CACNA2D3: variants seen among roughly 807,000 people sequenced by gnomAD.
CACNA2D3 encodes calcium voltage-gated channel auxiliary subunit alpha2delta 3.
Under a neutral mutation model 160.6 loss-of-function variants are expected in CACNA2D3, and 60 were observed. That is an observed-to-expected ratio of 0.37 (90% CI 0.30 to 0.46). CACNA2D3 has a LOEUF of 0.46. Among genes scored for constraint, CACNA2D3 ranks in the 20% least tolerant of loss-of-function variants. The pLI is 1.00. For missense variants in CACNA2D3, 1,205 were observed against 1,365.0 expected, an observed-to-expected ratio of 0.88 and a Z score of 1.85; for synonymous variants, 558 against 492.9, an observed-to-expected ratio of 1.13 and a Z score of -1.75.
intron 2 of CACNA2D3, among the ~76,000 whole-genome samples, chr3:54,306,549 C>A (rs1488344665): frequency 6.6e-6 from 1 of 152,174 alleles, no homozygotes; most frequent in African/African-American, 2.4e-5. Context: ...AGTTCTGAGC[C>A]CTTGCATGGC....
chr3:54,413,412 A>G (rs538464889), intron 4 of CACNA2D3, among the ~76,000 whole-genome samples: 1 of 147,012 alleles, frequency 6.8e-6, no homozygotes, highest in Non-Finnish European at 1.5e-5. Flanking sequence ...ATATATCTAT[A>G]TATATAGATA....
At chr3:55,063,275 G>A (rs1704556775) in intron 35 of CACNA2D3, among the ~76,000 whole-genome samples, 1 of 151,890 alleles carries the variant, frequency 6.6e-6, no homozygotes, top group Admixed American at 6.6e-5. Context: ...AACAGAAACT[G>A]GCATTTCAGC....
chr3:54,847,328 G>T (rs968961412), intron 17 of CACNA2D3, among the ~76,000 whole-genome samples: 2 of 152,234 alleles, frequency 1.3e-5, no homozygotes, highest in East Asian at 3.8e-4. Context: ...TTAAGAAAGT[G>T]TAGATCGTTT....
rs751365191 is a variant in CACNA2D3 at position 54,871,555 on chromosome 3, A to G, written c.1643A>G (p.Lys548Arg). 6 of 1,613,230 alleles carry G rather than the reference A, an allele frequency of 3.7e-6. No homozygotes were observed. Among genetic ancestry groups the G allele is most frequent in the Admixed American group, 3.3e-5 (2 of 59,984 alleles). ...ELRLLYEEGK[K>R]RRKPNYSSVD... Reference sequence around the variant, plus strand: ...CCTTGCTAGTACGAAGAAGGAAAAAAGCGAAGGAAACCTAACTATAGTAGC... The same window carrying G: ...CCTTGCTAGTACGAAGAAGGAAAAAGGCGAAGGAAACCTAACTATAGTAGC... Residue 548 changes from lysine (K) to arginine (R), a missense_variant, in exon 18 of 38, where the codon AAG becomes AGG. By Grantham distance (26) the Lys-to-Arg change is conservative. This residue lies in a region of CACNA2D3 where 911 missense variants were observed against 1,002.2 expected (regional missense o/e 0.91). Transcript: ENST00000474759.
At chr3:54,501,993 T>G (rs951766226) in intron 4 of CACNA2D3, among the ~76,000 whole-genome samples, 1 of 152,236 alleles carries the variant, frequency 6.6e-6, no homozygotes, top group African/African-American at 2.4e-5. Flanking sequence ...AGAAGTCTGA[T>G]GTAATCCTTA....
intron 9 of CACNA2D3, among the ~76,000 whole-genome samples, chr3:54,605,139 A>G (rs570667561): frequency 1.5e-4 from 23 of 152,196 alleles, no homozygotes; most frequent in African/African-American, 4.3e-4. Flanking sequence ...CTGTGTGTCT[A>G]TCTTCACCTG....
At chr3:54,706,531 A>G (rs891276854) in intron 11 of CACNA2D3, among the ~76,000 whole-genome samples, 1 of 152,206 alleles carries the variant, frequency 6.6e-6, no homozygotes, top group Non-Finnish European at 1.5e-5. Context: ...ATCTATCCTC[A>G]GGCTTTGGTG....
chr3:54,729,638 C>G (rs935386301), intron 11 of CACNA2D3, among the ~76,000 whole-genome samples: 1 of 152,068 alleles, frequency 6.6e-6, no homozygotes, highest in Admixed American at 6.6e-5. Context: ...TGTCTCTGTT[C>G]GGTGGGTCTT....
intron 2 of CACNA2D3, among the ~76,000 whole-genome samples, chr3:54,171,135 A>ATTTTTTTTT (rs1700557445): frequency 2.1e-4 from 4 of 18,752 alleles, no homozygotes; most frequent in Non-Finnish European, 3.4e-4. Flanking sequence ...AAAGATGATG[A>ATTTTTTTTT]CTTTTTTTTT....
In CACNA2D3 at chr3:54,885,483, T is replaced by A. The variant is rs760311197; in HGVS notation, c.1959-6T>A. The A allele has an allele frequency of 1.2e-6, 2 of 1,612,600 alleles. No homozygotes were observed. The highest frequency in any genetic ancestry group is 3.3e-5 in the Admixed American group (2 of 59,978). ...GCTCTTGTTTTGGGCCATGTCATGT[T>A]CTTAGGTCCTACTGCAACACTGACC... On this transcript the variant is annotated splice_polypyrimidine_tract_variant and splice_region_variant and intron_variant, in intron 22 of 37. Coordinates refer to ENST00000474759, the MANE Select transcript of CACNA2D3 (RefSeq NM_018398.3).
intron 27 of CACNA2D3, among the ~76,000 whole-genome samples, chr3:54,941,482 T>C (rs948510756): frequency 1.3e-5 from 2 of 152,150 alleles, no homozygotes; most frequent in African/African-American, 4.8e-5. Flanking sequence ...TCTGTCGTTT[T>C]CCCCCTCCAT....
chr3:54,911,800 A>G (rs546365711), intron 27 of CACNA2D3, among the ~76,000 whole-genome samples: 47 of 152,150 alleles, frequency 3.1e-4, no homozygotes, highest in Non-Finnish European at 5.7e-4. Context: ...AAAACTCTCT[A>G]TTGACTTCCC....
At chr3:54,197,956 T>C (rs929606621) in intron 2 of CACNA2D3, among the ~76,000 whole-genome samples, 1 of 152,202 alleles carries the variant, frequency 6.6e-6, no homozygotes, top group African/African-American at 2.4e-5. Context: ...AGGTGAAGCA[T>C]CTCTGCTGGG....
intron 2 of CACNA2D3, chr3:54,197,599 A>C (rs1701104823): frequency 6.6e-6 from 1 of 152,150 alleles, no homozygotes; most frequent in Non-Finnish European, 1.5e-5. Context: ...TTGCAGGTAA[A>C]ATTCCTTCCC....
chr3:54,666,212 C>T (rs1700066607), intron 11 of CACNA2D3, among the ~76,000 whole-genome samples: 1 of 152,106 alleles, frequency 6.6e-6, no homozygotes, highest in Non-Finnish European at 1.5e-5. Context: ...CAACAGACAA[C>T]TTTAAAAGGT....
chr3:54,959,922 G>A (rs937982539), intron 27 of CACNA2D3, among the ~76,000 whole-genome samples: 1 of 152,020 alleles, frequency 6.6e-6, no homozygotes, highest in Admixed American at 6.5e-5. Context: ...TTACCTCAAG[G>A]GTGAAAAGAA....
At chr3:54,918,778 A>C in intron 27 of CACNA2D3, 8 of 1,614,138 alleles carry the variant, frequency 5.0e-6, no homozygotes, top group Non-Finnish European at 6.8e-6. Context: ...CTGCGAGGAC[A>C]CTGGATCAGG....
chr3:54,795,199 T>A (rs762600029), intron 13 of CACNA2D3, among the ~76,000 whole-genome samples: 23 of 152,184 alleles, frequency 1.5e-4, no homozygotes, highest in Non-Finnish European at 2.2e-4. Flanking sequence ...TTTAAAAAAT[T>A]TTAAGTATTG....
chr3:54,773,174 C>G (rs775983604), intron 13 of CACNA2D3, among the ~76,000 whole-genome samples: 1 of 152,232 alleles, frequency 6.6e-6, no homozygotes, highest in Admixed American at 6.5e-5. Flanking sequence ...GGAGAAAACA[C>G]TATGCATTTG....
Sources: allele counts gnomAD v4.1 joint callset (sites outside exome capture counted in the v4.1 genomes callset), GRCh38; gene constraint gnomAD v4.1.1; regional missense constraint gnomAD v4.1.1; transcripts MANE v1.5; gene names NCBI Gene and HGNC (gene_info 2026-07-23, HGNC 2026-07-21).